ACSS2: variants seen among roughly 807,000 people sequenced by gnomAD.
ACSS2 encodes the protein acyl-CoA synthetase short chain family member 2.
ACSS2 carries 58 observed loss-of-function variants against 90.6 expected under a neutral mutation model. The observed-to-expected ratio is 0.64, with a 90% CI of 0.52 to 0.80. ACSS2 has a LOEUF of 0.80. Ranked by LOEUF, ACSS2 falls within the 30% of genes least tolerant of loss-of-function variation. The pLI is 0.00. For missense variants in ACSS2, 759 were observed against 912.0 expected, an observed-to-expected ratio of 0.83 and a Z score of 2.16; for synonymous variants, 300 against 330.9, an observed-to-expected ratio of 0.91 and a Z score of 1.01.
chr20:34,923,158 T>G, intron 13 of ACSS2, 165 bp from the exon 14 acceptor site: 1 of 583,576 alleles, frequency 1.7e-6, no homozygotes, highest in Non-Finnish European at 3.1e-6. Context: ...TTCTCTGAGG[T>G]CACCTAGCTA....
At chr20:34,923,956 T>C in intron 14 of ACSS2, among the ~76,000 whole-genome samples, 1 of 152,038 alleles carries the variant, frequency 6.6e-6, no homozygotes, top group African/African-American at 2.4e-5. Flanking sequence ...TAGAGAAGAA[T>C]GTGTCCTACA....
chr20:34,877,997 G>A (rs915470625), intron 1 of ACSS2, among the ~76,000 whole-genome samples: 12 of 152,018 alleles, frequency 7.9e-5, no homozygotes, highest in Admixed American at 7.2e-4. Context: ...GCAGTGGCCC[G>A]TTCTAGGCTC....
chr20:34,884,103 G>A (rs868660268), intron 2 of ACSS2, among the ~76,000 whole-genome samples: 2 of 152,090 alleles, frequency 1.3e-5, no homozygotes, highest in African/African-American at 2.4e-5. Flanking sequence ...GCACCACCAC[G>A]TTTGGCTAAT....
chr20:34,909,950 C>G (rs2080909497), intron 2 of ACSS2, among the ~76,000 whole-genome samples: 1 of 151,912 alleles, frequency 6.6e-6, no homozygotes, highest in South Asian at 2.1e-4. Context: ...CTCCTGACCC[C>G]AGGTGATCTG....
Position 34,913,458 on chromosome 20 carries a change from C to T in ACSS2, c.532C>T (p.Leu178=). 6.2e-7 allele frequency: 1 copy of T among 1,613,660 alleles called. No individual in the cohort carries two copies. Among genetic ancestry groups the T allele is most frequent in the Non-Finnish European group, 8.5e-7 (1 of 1,179,950 alleles). Residue 178 remains leucine, a synonymous_variant, in exon 4 of 18, where the codon CTG becomes TTG. Coordinates refer to ENST00000360596, the MANE Select transcript of ACSS2 (RefSeq NM_018677.4). The part of the protein sequence containing the change: ...PMIPELVVAM[L]ACARIGALHS... ...GATCCCAGAGCTTGTGGTGGCCATG[C>T]TGGCATGTGCCCGCATTGGGGCTTT...
At chr20:34,877,937 TAG>T (rs2079968006) in intron 1 of ACSS2, among the ~76,000 whole-genome samples, 1 of 150,696 alleles carries the variant, frequency 6.6e-6, no homozygotes, top group African/African-American at 2.5e-5. Flanking sequence ...GATAGATAGA[TAG>T]ATAGTTTGTT....
At chr20:34,925,875 T>C (rs2147111515) in intron 15 of ACSS2, 109 bp downstream of exon 15, 3 of 1,297,740 alleles carry the variant, frequency 2.3e-6, no homozygotes, top group Non-Finnish European at 3.2e-6. Flanking sequence ...GACCATGTAC[T>C]AAGTGTAGCA....
rs1333569365 is a variant in ACSS2 at position 34,920,582 on chromosome 20, C to T, written c.1016C>T (p.Thr339Ile). 2 of 1,614,184 alleles carry T rather than the reference C, an allele frequency of 1.2e-6. No individual in the cohort carries two copies. The highest frequency in any genetic ancestry group is 1.7e-6 in the Non-Finnish European group (2 of 1,180,022). The stretch of plus-strand genomic sequence containing the variant: ...GGGGGCTACATGCTCTATGTAGCCA[C>T]AACCTTCAAGTATGTGTTTGACTTC... ...TVGGYMLYVA[T>I]TFKYVFDFHA... The change falls in exon 9 of 18, where the codon ACA becomes ATA. Residue 339 changes from threonine (T) to isoleucine (I), a missense_variant. Coordinates refer to ENST00000360596, the MANE Select transcript of ACSS2 (RefSeq NM_018677.4).
Position 34,902,164 on chromosome 20 carries a change from A to G in ACSS2, c.375-10932A>G, listed in dbSNP as rs184516727. ...AGCAAAAATTTACTGAACACCTATTATATACAAGGTTCTGTACGAGACAAT... is the reference window on the plus strand; with the variant it reads ...AGCAAAAATTTACTGAACACCTATTGTATACAAGGTTCTGTACGAGACAAT... On this transcript the variant is annotated intron_variant, in intron 2 of 17. Coordinates refer to ENST00000360596, the MANE Select transcript of ACSS2 (RefSeq NM_018677.4). Among the ~76,000 whole-genome samples, 7 of 152,300 alleles carry G rather than the reference A, an allele frequency of 4.6e-5. No individual in the cohort carries two copies. In the East Asian group the frequency reaches 1.3e-3, roughly 29 times the overall value.
chr20:34,876,539 C>CAGGCCCCGCCCCTCTACGG (rs1165467605), upstream of ACSS2: 34 of 1,256,244 alleles, frequency 2.7e-5, no homozygotes, highest in Admixed American at 8.4e-5. Context: ...CCCCACTCAC[C>CAGGCCCCGCCCCTCTACGG]AGGCCCCGCC....
chr20:34,909,359 C>A (rs1017770962), intron 2 of ACSS2, among the ~76,000 whole-genome samples: 1 of 151,942 alleles, frequency 6.6e-6, no homozygotes, highest in Non-Finnish European at 1.5e-5. Flanking sequence ...CAGAGTGAGA[C>A]CCTGTCTCAA....
At chr20:34,920,461 C>T (rs2081171846) in intron 8 of ACSS2, 78 bp from the exon 9 acceptor site, 1 of 1,456,114 alleles carries the variant, frequency 6.9e-7, no homozygotes, top group Admixed American at 2.1e-5. Flanking sequence ...GGATCTTCCT[C>T]CAGCTCTGCC....
Position 34,927,340 on chromosome 20 carries a change from C to G in ACSS2, c.*126C>G. 7.7e-7 allele frequency: 1 copy of G among 1,302,310 alleles called. No homozygotes were observed. The highest frequency in any genetic ancestry group is 1.1e-6 in the Non-Finnish European group (1 of 933,628). 80.7% of individuals were successfully genotyped at this position (1,302,310 alleles called of 1,614,324 possible). A position where few individuals can be genotyped will look rare whatever the true frequency, so the allele number is the denominator to read the frequency against. ...CCTCCCTTGACCAGCTGTCTGGGACCGGAAACCAGCTTTGTCTCCAGGTAG... is the reference window on the plus strand; with the variant it reads ...CCTCCCTTGACCAGCTGTCTGGGACGGGAAACCAGCTTTGTCTCCAGGTAG... On this transcript the variant is annotated 3_prime_UTR_variant, in exon 18 of 18. Coordinates refer to ENST00000360596, the MANE Select transcript of ACSS2 (RefSeq NM_018677.4). This position sits in a 1 kb window ranked among gnomAD's most constrained non-coding sequence, Gnocchi z 4.2.
chr20:34,903,443 C>A (rs142246429), intron 2 of ACSS2, among the ~76,000 whole-genome samples: 36 of 152,066 alleles, frequency 2.4e-4, no homozygotes, highest in Non-Finnish European at 4.7e-4. Context: ...TGTGGTCATC[C>A]AGGCAAGAGA....
At chr20:34,889,598 C>T (rs1191324591) in intron 2 of ACSS2, among the ~76,000 whole-genome samples, 1 of 152,190 alleles carries the variant, frequency 6.6e-6, no homozygotes, top group Non-Finnish European at 1.5e-5. Context: ...AATGATTTGG[C>T]TTCTATTTAG....
chr20:34,909,531 A>C (rs1478097984), intron 2 of ACSS2, among the ~76,000 whole-genome samples: 1 of 152,228 alleles, frequency 6.6e-6, no homozygotes, highest in Non-Finnish European at 1.5e-5. Context: ...CAAAAGATAC[A>C]GAATAGTGTG....
At chr20:34,875,547 C>T (rs1319216967), upstream of ACSS2, among the ~76,000 whole-genome samples, 1 of 152,018 alleles carries the variant, frequency 6.6e-6, no homozygotes, top group African/African-American at 2.4e-5. Flanking sequence ...CCAGCCTGGG[C>T]GACAGAGCGA....
At position 34,882,715 on chromosome 20, in the gene ACSS2, G is replaced by C. The variant is rs187831610; in HGVS notation, c.179-79G>C. 6.8e-5 allele frequency: 94 copies of C among 1,392,342 alleles called. 1 individual carries two copies. The Middle Eastern group carries it at 1.3e-3, about 19-fold the overall frequency. The allele number at this position is 1,392,342 out of a possible 1,614,324, so 86.2% of individuals were successfully genotyped here. A position where few individuals can be genotyped will look rare whatever the true frequency, so the allele number is the denominator to read the frequency against. On this transcript the variant is annotated intron_variant, in intron 1 of 17. Transcript: ENST00000360596. ...GGCAAGGAAGTTATAATTTGGTCCTGTGTATAGACTGGTAAGCCTTCTGAG... is the reference window on the plus strand; with the variant it reads ...GGCAAGGAAGTTATAATTTGGTCCTCTGTATAGACTGGTAAGCCTTCTGAG...
intron 2 of ACSS2, among the ~76,000 whole-genome samples, chr20:34,888,319 A>G (rs1462940852): frequency 4.6e-5 from 7 of 152,008 alleles, no homozygotes; most frequent in Non-Finnish European, 8.8e-5. Context: ...AAACGTGGAT[A>G]AAAATAGCTT....
Sources: gnomAD v4.1 joint callset for allele counts (sites outside exome capture counted in the v4.1 genomes callset) on GRCh38, gnomAD v4.1.1 for gene constraint, Gnocchi (gnomAD v3.1) non-coding constraint, MANE v1.5 for transcripts, NCBI Gene and HGNC (gene_info 2026-07-23, HGNC 2026-07-21) for gene names.